PLXNA4: variants seen among roughly 807,000 people sequenced by gnomAD.
The protein encoded by PLXNA4 is plexin A4.
In PLXNA4, 44 loss-of-function variants were observed where a neutral mutation model predicts 191.8. The observed-to-expected ratio is 0.23, with a 90% CI of 0.18 to 0.29. The LOEUF (loss-of-function observed/expected upper bound fraction) is 0.29, where lower values mean the gene tolerates loss of function less well. Ranked by LOEUF, PLXNA4 falls within the 10% of genes least tolerant of loss-of-function variation. The probability of loss-of-function intolerance (pLI) is 1.00; values close to 1 mark genes in which losing one functional copy is unlikely to be tolerated. For missense variants in PLXNA4, 1,800 were observed against 2,488.8 expected, an observed-to-expected ratio of 0.72 and a Z score of 5.89; for synonymous variants, 1,082 against 1,009.5, an observed-to-expected ratio of 1.07 and a Z score of -1.36.
At position 132,302,220 on chromosome 7, in the gene PLXNA4, G is replaced by A. The variant is rs1052001077; in HGVS notation, c.1372-3998C>T. ...TTTAATATTTTTTATAAATGGTCTG[G>A]AGGAGGGAGCAGGAAAATGTGCAAA... On this transcript the variant is annotated intron_variant, in intron 3 of 31. Coordinates refer to ENST00000321063, the MANE Select transcript of PLXNA4 (RefSeq NM_020911.2). Among the ~76,000 whole-genome samples the A allele has an allele frequency of 6.6e-5, 10 of 152,292 alleles. No individual in the cohort carries two copies. In the South Asian group the frequency reaches 8.3e-4, roughly 13 times the overall value.
rs1274529474 is a variant in PLXNA4 at position 132,647,348 on chromosome 7, CACAT to C, written c.-203+1162_-203+1165del. Among the ~76,000 whole-genome samples, 7 of 151,886 alleles carry C rather than the reference CACAT, an allele frequency of 4.6e-5. 1 individual carries two copies. Among genetic ancestry groups the C allele is most frequent in the Admixed American group, 4.6e-4 (7 of 15,254 alleles). On this transcript the variant is annotated intron_variant, in intron 1 of 4. Coordinates refer to the PLXNA4 transcript ENST00000378539. ...TATCATATACACACATATACACTCA[CACAT>C]ACACTGACATACACACACACATGCA...
chr7:132,584,499 T>G (rs926927542), intron 2 of PLXNA4, among the ~76,000 whole-genome samples: 2 of 152,182 alleles, frequency 1.3e-5, no homozygotes, highest in Admixed American at 6.5e-5. Flanking sequence ...CTCAAAGCAC[T>G]GCACTAAAAT....
At chr7:132,139,551 T>C (rs998691515) in intron 30 of PLXNA4, among the ~76,000 whole-genome samples, 1 of 152,198 alleles carries the variant, frequency 6.6e-6, no homozygotes, top group Non-Finnish European at 1.5e-5. Flanking sequence ...ACAAAGGTAC[T>C]TGGACAAGAG....
chr7:132,364,676 A>G (rs990413564), intron 3 of PLXNA4, among the ~76,000 whole-genome samples: 1 of 152,158 alleles, frequency 6.6e-6, no homozygotes, highest in African/African-American at 2.4e-5. Flanking sequence ...ATCACCAAAC[A>G]TACCCATTCC....
chr7:132,598,988 T>C (rs1802767681), intron 2 of PLXNA4, among the ~76,000 whole-genome samples: 1 of 152,220 alleles, frequency 6.6e-6, no homozygotes, highest in Non-Finnish European at 1.5e-5. Flanking sequence ...GTTATCTGTA[T>C]GGTAAGTAAA....
intron 3 of PLXNA4, chr7:132,367,971 T>G (rs1010494277): frequency 2.0e-5 from 3 of 152,264 alleles, no homozygotes; most frequent in Admixed American, 6.5e-5. Context: ...CGAAGCCCTC[T>G]CTCTTCCAAC....
At chr7:132,432,804 GC>G (rs1356119206) in intron 3 of PLXNA4, among the ~76,000 whole-genome samples, 5 of 152,152 alleles carry the variant, frequency 3.3e-5, no homozygotes, top group Non-Finnish European at 7.3e-5. Flanking sequence ...TATAGACAAA[GC>G]CCCCAAAAGT....
intron 4 of PLXNA4, among the ~76,000 whole-genome samples, chr7:132,275,580 A>G (rs1446604051): frequency 6.6e-6 from 1 of 152,180 alleles, no homozygotes; most frequent in South Asian, 2.1e-4. Context: ...TAAGCACTCT[A>G]TAACTATTAG....
intron 12 of PLXNA4, among the ~76,000 whole-genome samples, chr7:132,201,977 C>T (rs773946221): frequency 1.3e-5 from 2 of 152,122 alleles, no homozygotes; most frequent in Admixed American, 6.5e-5. Flanking sequence ...TCAGGCCCAC[C>T]GCACATGTGA....
At position 132,183,192 on chromosome 7, in the gene PLXNA4, C is replaced by T. The variant is rs911925915; in HGVS notation, c.3159-1002G>A. Among the ~76,000 whole-genome samples, 8 of 152,340 alleles carry T rather than the reference C, an allele frequency of 5.3e-5. No homozygotes were observed. In the South Asian group the frequency reaches 1.7e-3, roughly 32 times the overall value. ...TATTGCCAGTTGCTTCTCCCTCTCT[C>T]CTTGCTCACATGCGCGCACACACGC... is the stretch of plus-strand genomic sequence containing the variant. On this transcript the variant is annotated intron_variant, in intron 16 of 31. Coordinates refer to ENST00000321063, the MANE Select transcript of PLXNA4 (RefSeq NM_020911.2).
rs543309837 is a variant in PLXNA4, at chr7:132,533,382, G to T, written c.-86-24603C>A. On this transcript the variant is annotated intron_variant, in intron 1 of 31. Coordinates refer to ENST00000321063, the MANE Select transcript of PLXNA4 (RefSeq NM_020911.2). ...AACTCAGGAACTGGAGAGGTGCAAG[G>T]CCCCCAACATGAAAAGAATTAACTT... Among the ~76,000 whole-genome samples the T allele has an allele frequency of 1.5e-4, 23 of 152,136 alleles. No homozygotes were observed. The East Asian group carries it at 2.1e-3, about 14-fold the overall frequency.
chr7:132,474,461 C>G (rs1201588710), intron 3 of PLXNA4, among the ~76,000 whole-genome samples: 1 of 152,042 alleles, frequency 6.6e-6, no homozygotes, highest in Non-Finnish European at 1.5e-5. Flanking sequence ...TGAGCCTGCC[C>G]CGCCCATCCT....
chr7:132,322,198 T>C (rs1256061084), intron 3 of PLXNA4, among the ~76,000 whole-genome samples: 1 of 150,728 alleles, frequency 6.6e-6, no homozygotes, highest in Non-Finnish European at 1.5e-5. Flanking sequence ...TTTTTTTTTT[T>C]TTTTAACAGA....
intron 4 of PLXNA4, among the ~76,000 whole-genome samples, chr7:132,290,291 G>C (rs1800837036): frequency 6.6e-6 from 1 of 152,316 alleles, no homozygotes; most frequent in South Asian, 2.1e-4. Flanking sequence ...TGTGTGGAGA[G>C]GCAGATACAT....
At chr7:132,333,849 G>C (rs998934948) in intron 3 of PLXNA4, among the ~76,000 whole-genome samples, 1 of 152,152 alleles carries the variant, frequency 6.6e-6, no homozygotes, top group Non-Finnish European at 1.5e-5. Flanking sequence ...GCTTTTGAGC[G>C]GGAGGGACTC....
chr7:132,552,458 T>G (rs1262223423), intron 1 of PLXNA4, among the ~76,000 whole-genome samples: 1 of 152,168 alleles, frequency 6.6e-6, no homozygotes, highest in Admixed American at 6.5e-5. Context: ...CCCAAGATGC[T>G]AGGCACTGGG....
chr7:132,386,885 T>A (rs1238840804), intron 3 of PLXNA4, among the ~76,000 whole-genome samples: 1 of 152,198 alleles, frequency 6.6e-6, no homozygotes, highest in Non-Finnish European at 1.5e-5. Context: ...AGGCCAGAGC[T>A]TCTCAAATTG....
At chr7:132,519,061 T>A (rs1799063839) in intron 1 of PLXNA4, among the ~76,000 whole-genome samples, 1 of 152,266 alleles carries the variant, frequency 6.6e-6, no homozygotes, top group Non-Finnish European at 1.5e-5. Context: ...TGGCTTTCTT[T>A]ACTCCAAGTG....
intron 16 of PLXNA4, 142 bp from the exon 17 acceptor site, chr7:132,182,332 C>G: frequency 7.3e-7 from 1 of 1,372,692 alleles, no homozygotes; most frequent in Non-Finnish European, 9.8e-7. Flanking sequence ...GGATGACAAG[C>G]TGACTGCATA....
Sources: gnomAD v4.1 joint callset for allele counts (sites outside exome capture counted in the v4.1 genomes callset) on GRCh38, gnomAD v4.1.1 for gene constraint, MANE v1.5 for transcripts, NCBI Gene and HGNC (gene_info 2026-07-23, HGNC 2026-07-21) for gene names.